ZFHX3: variants seen among roughly 807,000 people sequenced by gnomAD.
ZFHX3 encodes zinc finger homeobox 3.
Under a neutral mutation model 279.1 loss-of-function variants are expected in ZFHX3, and 42 were observed. The ratio of observed to expected loss-of-function variants is 0.15; its 90% confidence interval spans 0.12 to 0.19. The LOEUF (loss-of-function observed/expected upper bound fraction) is 0.19. Among genes scored for constraint, ZFHX3 ranks in the 10% least tolerant of loss-of-function variants. The probability of loss-of-function intolerance (pLI) is 1.00; values close to 1 mark genes in which losing one functional copy is unlikely to be tolerated. For synonymous variants in ZFHX3, 2,293 were observed against 1,957.8 expected (o/e 1.17, Z -4.52); for missense variants, 4,981 against 4,754.0 (o/e 1.05, Z -1.40).
intron 1 of ZFHX3, among the ~76,000 whole-genome samples, chr16:73,850,912 G>A (rs1258141280): frequency 6.6e-6 from 1 of 152,166 alleles, no homozygotes; most frequent in African/African-American, 2.4e-5. Context: ...AGAAAAGCCA[G>A]TCATTCCATC....
intron 1 of ZFHX3, among the ~76,000 whole-genome samples, chr16:73,019,664 A>C (rs1964231455): frequency 6.6e-6 from 1 of 152,152 alleles, no homozygotes; most frequent in Admixed American, 6.5e-5. Flanking sequence ...GGAGATTGTG[A>C]GTCATCACGA....
chr16:72,809,027 T>TAATA (rs2036356467), intron 7 of ZFHX3, among the ~76,000 whole-genome samples: 1 of 152,186 alleles, frequency 6.6e-6, no homozygotes, highest in East Asian at 1.9e-4. Flanking sequence ...AACACAGAAG[T>TAATA]AATATCCTGC....
upstream of ZFHX3, among the ~76,000 whole-genome samples, chr16:73,052,808 A>G (rs1456229609): frequency 6.6e-6 from 1 of 152,236 alleles, no homozygotes; most frequent in Non-Finnish European, 1.5e-5. Context: ...TGCATTGACA[A>G]TAACCATGAG....
chr16:72,823,243 T>G (rs2036844335), intron 5 of ZFHX3, among the ~76,000 whole-genome samples: 1 of 152,196 alleles, frequency 6.6e-6, no homozygotes, highest in Non-Finnish European at 1.5e-5. Flanking sequence ...GGGCTCCCAG[T>G]ATTCCCTCAC....
At chr16:73,261,238 A>T (rs1458519783) in intron 4 of ZFHX3, among the ~76,000 whole-genome samples, 1 of 152,238 alleles carries the variant, frequency 6.6e-6, no homozygotes, top group Non-Finnish European at 1.5e-5. Flanking sequence ...AAACTAAAAA[A>T]AATACAACTT....
chr16:73,786,103 T>A lies in ZFHX3; in HGVS notation c.-1608+105548A>T, dbSNP rs561546445. ...TCAGGCTGGTCTCGAACTCCCGACC[T>A]CAGATGATCCACCTGCCTTGGCCTC... On this transcript the variant is annotated intron_variant, in intron 1 of 17. Transcript: ENST00000641206. Among the ~76,000 whole-genome samples the A allele has an allele frequency of 5.8e-4, 88 of 152,244 alleles. 3 individuals are homozygous for A. The South Asian group carries it at 0.018, about 31-fold the overall frequency.
At chr16:73,144,296 T>C (rs988952540) in intron 5 of ZFHX3, 1 of 154,372 alleles carries the variant, frequency 6.5e-6, no homozygotes, top group Non-Finnish European at 1.4e-5. Context: ...TGGTGTTAAC[T>C]ACTGAACACT....
intron 2 of ZFHX3, among the ~76,000 whole-genome samples, chr16:73,530,577 G>A (rs1007630650): frequency 6.6e-6 from 1 of 151,910 alleles, no homozygotes; most frequent in African/African-American, 2.4e-5. Context: ...ATGCCAAAGG[G>A]GTCTGTGGAC....
At chr16:73,604,336 G>A (rs2052155611) in intron 2 of ZFHX3, among the ~76,000 whole-genome samples, 1 of 151,890 alleles carries the variant, frequency 6.6e-6, no homozygotes, top group African/African-American at 2.4e-5. Flanking sequence ...ATTTTTAAAA[G>A]AGAAAGAGAA....
intron 3 of ZFHX3, among the ~76,000 whole-genome samples, chr16:72,950,118 G>C (rs1234419558): frequency 6.6e-6 from 1 of 150,844 alleles, no homozygotes; most frequent in Non-Finnish European, 1.5e-5. Flanking sequence ...TGGAAAAGGA[G>C]AACAGAAAGC....
chr16:72,794,414 C>T lies in ZFHX3; in HGVS notation c.8268G>A (p.Gly2756=), dbSNP rs1322890075. The T allele has an allele frequency of 6.2e-7, 1 of 1,611,676 alleles. No individual in the cohort carries two copies. The highest frequency in any genetic ancestry group is 8.5e-7 in the Non-Finnish European group (1 of 1,178,634). ...TLSAMLLDCD[G]GLQMKGDIFD... is the part of the protein sequence containing the mutation. ...AAATATCTCCTTTCATCTGGAGTCC[C>T]CCATCACAGTCTAAGAGCATCGCAG... Residue 2756 remains glycine (G), a synonymous_variant, in exon 9 of 10, where the codon GGG becomes GGA. Coordinates refer to ENST00000268489, the MANE Select transcript of ZFHX3 (RefSeq NM_006885.4). This position sits in a 1 kb window ranked among gnomAD's most constrained non-coding sequence, Gnocchi z 4.2.
chr16:73,528,653 T>C (rs1027015610), intron 2 of ZFHX3, among the ~76,000 whole-genome samples: 1 of 152,220 alleles, frequency 6.6e-6, no homozygotes, highest in Admixed American at 6.5e-5. Context: ...CCTGGAAATA[T>C]ACATTAATGC....
At chr16:73,062,064 T>C (rs1304052382), upstream of ZFHX3, 2 of 152,046 alleles carry the variant, frequency 1.3e-5, no homozygotes, top group African/African-American at 4.8e-5. Flanking sequence ...CTATATGGAT[T>C]ATTTTACGTA....
intron 3 of ZFHX3, among the ~76,000 whole-genome samples, chr16:73,350,294 C>T (rs734067): frequency 0.47 from 71,423 of 152,076 alleles, 20,235 homozygotes; most frequent in Non-Finnish European, 0.63. Context: ...TTAGAAAATG[C>T]GGCCGCTCCT....
intron 1 of ZFHX3, among the ~76,000 whole-genome samples, chr16:73,710,775 C>T (rs79241497): frequency 1.3e-5 from 2 of 152,202 alleles, no homozygotes; most frequent in East Asian, 1.9e-4. Context: ...CCTCGACCCC[C>T]GGCCTCCCTT....
chr16:73,465,486 C>T (rs1388769947), intron 2 of ZFHX3, among the ~76,000 whole-genome samples: 1 of 152,148 alleles, frequency 6.6e-6, no homozygotes, highest in Non-Finnish European at 1.5e-5. Context: ...TGAGGTCTCA[C>T]TGGAGACTGG....
chr16:73,211,926 T>C (rs906234828), intron 5 of ZFHX3, among the ~76,000 whole-genome samples: 7 of 151,990 alleles, frequency 4.6e-5, no homozygotes, highest in Admixed American at 3.3e-4. Flanking sequence ...TTTTTATATA[T>C]TGAGGATAGG....
intron 1 of ZFHX3, among the ~76,000 whole-genome samples, chr16:73,720,613 A>G (rs906634374): frequency 6.6e-6 from 1 of 152,196 alleles, no homozygotes; most frequent in African/African-American, 2.4e-5. Context: ...TGTGATGTCC[A>G]TAAGACTCTA....
chr16:73,030,947 T>C (rs758122912), intron 1 of ZFHX3, among the ~76,000 whole-genome samples: 3 of 152,126 alleles, frequency 2.0e-5, no homozygotes, highest in African/African-American at 4.8e-5. Flanking sequence ...GCCATACTCG[T>C]CCAAGTTACA....
Sources: allele counts gnomAD v4.1 joint callset (sites outside exome capture counted in the v4.1 genomes callset), GRCh38; gene constraint gnomAD v4.1.1; non-coding constraint Gnocchi (gnomAD v3.1); transcripts MANE v1.5; gene names NCBI Gene and HGNC (gene_info 2026-07-23, HGNC 2026-07-21).